PDE8A: variants seen among roughly 807,000 people sequenced by gnomAD.
The protein encoded by PDE8A is phosphodiesterase 8A.
In PDE8A, 59 loss-of-function variants were observed where a neutral mutation model predicts 105.0. That is an observed-to-expected ratio of 0.56 (90% CI 0.46 to 0.70). The LOEUF is 0.70. Among genes scored for constraint, PDE8A ranks in the 30% least tolerant of loss-of-function variants. The pLI is 0.00. For missense variants in PDE8A, 1,014 were observed against 1,045.9 expected (o/e 0.97, Z 0.42); for synonymous variants, 355 against 371.9 (o/e 0.95, Z 0.52).
At chr15:85,113,799 C>T (rs2141601576) in intron 13 of PDE8A, 74 bp from the exon 14 acceptor site, 2 of 1,154,754 alleles carry the variant, frequency 1.7e-6, no homozygotes, top group Non-Finnish European at 2.5e-6. Flanking sequence ...GAATTACAGA[C>T]ACGTACTGCC....
At chr15:85,008,795 C>G (rs2080191253) in intron 1 of PDE8A, among the ~76,000 whole-genome samples, 1 of 152,152 alleles carries the variant, frequency 6.6e-6, no homozygotes, top group African/African-American at 2.4e-5. Flanking sequence ...GTCTGCTGAG[C>G]CATCTGCATT....
chr15:85,102,936 A>G (rs1016376948), intron 11 of PDE8A, among the ~76,000 whole-genome samples: 21 of 151,848 alleles, frequency 1.4e-4, no homozygotes, highest in South Asian at 2.1e-4. Flanking sequence ...GAAAAGTTCA[A>G]TGAGCCAGGT....
intron 20 of PDE8A, among the ~76,000 whole-genome samples, chr15:85,129,881 A>G (rs1422162324): frequency 6.6e-6 from 1 of 151,892 alleles, no homozygotes; most frequent in Admixed American, 6.6e-5. Context: ...CTTCATTTTC[A>G]TTTGTCTCAA....
chr15:85,044,380 T>TG (rs2080856657), intron 1 of PDE8A, among the ~76,000 whole-genome samples: 1 of 151,688 alleles, frequency 6.6e-6, no homozygotes, highest in Non-Finnish European at 1.5e-5. Context: ...ACTATGACAG[T>TG]GGGGGACAGA....
intron 1 of PDE8A, among the ~76,000 whole-genome samples, chr15:85,055,721 G>A (rs1395620422): frequency 2.0e-5 from 3 of 152,084 alleles, no homozygotes; most frequent in Non-Finnish European, 4.4e-5. Flanking sequence ...TGTGAGTTGG[G>A]TCTCCTGAAT....
intron 1 of PDE8A, among the ~76,000 whole-genome samples, chr15:85,037,478 A>G (rs915990262): frequency 1.3e-5 from 2 of 152,180 alleles, no homozygotes; most frequent in Admixed American, 6.5e-5. Context: ...AAAATATACT[A>G]TAGATTAGTT....
chr15:85,100,047 T>C lies in PDE8A; in HGVS notation c.974T>C (p.Val325Ala). The C allele has an allele frequency of 1.2e-6, 2 of 1,613,522 alleles. No individual in the cohort carries two copies. The highest frequency in any genetic ancestry group is 1.1e-5 in the South Asian group (1 of 90,908). The change falls in exon 10 of 22, where the codon GTG (valine) becomes GCG (alanine). Residue 325 changes from valine (V) to alanine (A), a missense_variant. Val to Ala is a moderately conservative substitution (Grantham distance 64). Transcript: ENST00000394553. Reference protein sequence around the residue: ...KIRHYVSIIRVCNGNNKAEKI... With the variant: ...KIRHYVSIIRACNGNNKAEKI... ...AGACACTATGTGTCCATTATCAGAGTGTGCAATGGCAACAATAAGGTACGT... is the reference window on the plus strand; with the variant it reads ...AGACACTATGTGTCCATTATCAGAGCGTGCAATGGCAACAATAAGGTACGT...
chr15:85,110,831 A>G (rs1028067115), intron 12 of PDE8A, among the ~76,000 whole-genome samples: 2 of 152,132 alleles, frequency 1.3e-5, no homozygotes, highest in African/African-American at 4.8e-5. Flanking sequence ...GGTGCTCTCC[A>G]GTTTTATTCT....
intron 1 of PDE8A, among the ~76,000 whole-genome samples, chr15:84,988,293 T>C (rs1187606570): frequency 6.6e-6 from 1 of 152,240 alleles, no homozygotes; most frequent in East Asian, 1.9e-4. Context: ...TTTGGTCTTC[T>C]GCTAAGCTAC....
chr15:85,091,197 G>A lies in PDE8A; in HGVS notation c.852+16G>A, dbSNP rs2081637330. Reference sequence around the variant, plus strand: ...GATAGGCAAGGTAAGTAAGAGGTCAGTGCCTTTTTTAACTTTCACAACACA... The same window carrying A: ...GATAGGCAAGGTAAGTAAGAGGTCAATGCCTTTTTTAACTTTCACAACACA... On this transcript the variant is annotated intron_variant, in intron 8 of 21. Transcript: ENST00000394553. 1.3e-6 allele frequency: 2 copies of A among 1,581,722 alleles called. No individual in the cohort carries two copies. The highest frequency in any genetic ancestry group is 1.7e-6 in the Non-Finnish European group (2 of 1,163,940).
intron 1 of PDE8A, among the ~76,000 whole-genome samples, chr15:85,046,772 C>G (rs1342496613): frequency 6.6e-6 from 1 of 152,106 alleles, no homozygotes; most frequent in Non-Finnish European, 1.5e-5. Flanking sequence ...TATTTTCTTT[C>G]TCACCCACCC....
At chr15:85,134,142 G>A (rs2141656286) in intron 20 of PDE8A, among the ~76,000 whole-genome samples, 1 of 152,332 alleles carries the variant, frequency 6.6e-6, no homozygotes, top group South Asian at 2.1e-4. Context: ...GGGCCAAAGA[G>A]AAGAAATCTA....
At chr15:85,024,386 C>T (rs2080478469) in intron 1 of PDE8A, among the ~76,000 whole-genome samples, 1 of 152,162 alleles carries the variant, frequency 6.6e-6, no homozygotes, top group African/African-American at 2.4e-5. Flanking sequence ...TAATTTCTCT[C>T]CTTAATAGGT....
At chr15:85,100,243 A>AG (rs2081839067) in intron 11 of PDE8A, 45 bp downstream of exon 11, 1 of 1,542,454 alleles carries the variant, frequency 6.5e-7, no homozygotes, top group Non-Finnish European at 8.9e-7. Flanking sequence ...GAGTTTTTGG[A>AG]GAAAAAAAAT....
chr15:85,021,261 G>A (rs1364994689), intron 1 of PDE8A, among the ~76,000 whole-genome samples: 2 of 152,174 alleles, frequency 1.3e-5, no homozygotes, highest in East Asian at 1.9e-4. Context: ...AATTGTCCAA[G>A]CCTGGTGTGG....
intron 9 of PDE8A, among the ~76,000 whole-genome samples, chr15:85,099,285 C>CT (rs1429856201): frequency 1.3e-5 from 2 of 152,226 alleles, no homozygotes; most frequent in Non-Finnish European, 2.9e-5. Context: ...AGGGGTCCAG[C>CT]TGCCAGCGTG....
At chr15:84,985,092 C>G (rs2079781202) in intron 1 of PDE8A, among the ~76,000 whole-genome samples, 1 of 152,182 alleles carries the variant, frequency 6.6e-6, no homozygotes, top group South Asian at 2.1e-4. Context: ...GAGTGTGCAT[C>G]ATTTCCTAAA....
intron 20 of PDE8A, among the ~76,000 whole-genome samples, chr15:85,133,637 A>C (rs1490003377): frequency 6.6e-6 from 1 of 152,170 alleles, no homozygotes; most frequent in Non-Finnish European, 1.5e-5. Context: ...CATTTCATGG[A>C]GAAATGAGGA....
intron 1 of PDE8A, among the ~76,000 whole-genome samples, chr15:85,062,043 T>C (rs1333935800): frequency 1.3e-5 from 2 of 152,218 alleles, no homozygotes; most frequent in Admixed American, 1.3e-4. Context: ...TCTTTTAGCA[T>C]CTTGAAGTTG....
Sources: gnomAD v4.1 joint callset for allele counts (sites outside exome capture counted in the v4.1 genomes callset) on GRCh38, gnomAD v4.1.1 for gene constraint, MANE v1.5 for transcripts, NCBI Gene and HGNC (gene_info 2026-07-23, HGNC 2026-07-21) for gene names.